The following MYH10 variants were observed in gnomAD, a reference collection of about 807,000 sequenced individuals.
MYH10 encodes myosin heavy chain 10.
In MYH10, 55 loss-of-function variants were observed where a neutral mutation model predicts 257.8. That is an observed-to-expected ratio of 0.21 (90% CI 0.17 to 0.27). MYH10 has a LOEUF of 0.27. Among genes scored for constraint, MYH10 ranks in the 10% least tolerant of loss-of-function variants. The pLI, the probability that MYH10 is intolerant of heterozygous loss-of-function variation, is 1.00. For synonymous variants in MYH10, 854 were observed against 921.7 expected (o/e 0.93, Z 1.33); for missense variants, 1,631 against 2,500.6 (o/e 0.65, Z 7.42).
At chr17:8,547,795 T>TGG (rs2082493355) in intron 11 of MYH10, among the ~76,000 whole-genome samples, 1 of 145,940 alleles carries the variant, frequency 6.9e-6, no homozygotes, top group African/African-American at 2.6e-5. Context: ...TATATTTATA[T>TGG]ATTTATATTA....
At chr17:8,630,145 G>T (rs1218343214) in intron 1 of MYH10, among the ~76,000 whole-genome samples, 2 of 151,340 alleles carry the variant, frequency 1.3e-5, no homozygotes, top group Non-Finnish European at 3.0e-5. Flanking sequence ...CTACCGCCGG[G>T]ACTGCGCTTT....
chr17:8,610,270 G>GAAAAAAAAAAAAAAAAAAAAAAAAAAAA lies in MYH10; in HGVS notation c.346-5289_346-5288insTTTTTTTTTTTTTTTTTTTTTTTTTTTT, dbSNP rs1567977649. On this transcript the variant is annotated intron_variant, in intron 2 of 42. Transcript: ENST00000360416. Reference sequence around the variant, plus strand: ...AGTTTATAGGGAGCACCATAGGATTGCAAAAAAAAAAAAAAAAAAAAAGGG... The same window carrying GAAAAAAAAAAAAAAAAAAAAAAAAAAAA: ...AGTTTATAGGGAGCACCATAGGATTGAAAAAAAAAAAAAAAAAAAAAAAAAAAACAAAAAAAAAAAAAAAAAAAAAGGG... 3.7e-4 allele frequency among the ~76,000 whole-genome samples: 3 copies of GAAAAAAAAAAAAAAAAAAAAAAAAAAAA among 8,024 alleles called. 1 individual carries two copies. The highest frequency in any genetic ancestry group is 2.8e-3 in the African/African-American group (1 of 358). 5.3% of individuals were successfully genotyped at this position (8,024 alleles called of 152,430 possible). A position where few individuals can be genotyped will look rare whatever the true frequency, so the allele number is the denominator to read the frequency against.
intron 16 of MYH10, among the ~76,000 whole-genome samples, chr17:8,534,234 T>G (rs2082080587): frequency 6.6e-6 from 1 of 152,218 alleles, no homozygotes; most frequent in Admixed American, 6.5e-5. Context: ...AGTAGTCAGT[T>G]GAAGACTTTC....
intron 1 of MYH10, 66 bp from the exon 2 acceptor site, chr17:8,623,343 T>C: frequency 7.1e-7 from 1 of 1,417,382 alleles, no homozygotes; most frequent in Non-Finnish European, 9.3e-7. Context: ...CGTTTTTCTT[T>C]TCTAAGAAAC....
chr17:8,533,383 A>T (rs1193065199), intron 16 of MYH10, among the ~76,000 whole-genome samples: 2 of 152,048 alleles, frequency 1.3e-5, no homozygotes, highest in Non-Finnish European at 2.9e-5. Flanking sequence ...TCTAAAGCCA[A>T]ATGGAACACT....
chr17:8,513,455 A>T, intron 23 of MYH10, 83 bp downstream of exon 23: 2 of 1,562,084 alleles, frequency 1.3e-6, no homozygotes, highest in Non-Finnish European at 1.7e-6. Flanking sequence ...GCTATTCATA[A>T]TGAAATGTGT....
intron 8 of MYH10, 118 bp downstream of exon 8, chr17:8,553,837 T>A: frequency 1.3e-6 from 1 of 787,032 alleles, no homozygotes; most frequent in Middle Eastern, 2.4e-4. Context: ...GCATGCTATC[T>A]CTGGGCTCAA....
chr17:8,580,536 T>C (rs1441370406), intron 4 of MYH10, among the ~76,000 whole-genome samples: 1 of 152,186 alleles, frequency 6.6e-6, no homozygotes, highest in Admixed American at 6.5e-5. Context: ...CTGGCAGAGT[T>C]AAGTGCTTGA....
intron 42 of MYH10, 100 bp downstream of exon 42, chr17:8,476,776 G>T: frequency 7.9e-7 from 1 of 1,269,390 alleles, no homozygotes; most frequent in Non-Finnish European, 1.1e-6. Flanking sequence ...TGGGTCACTG[G>T]GTATGGATCT....
At chr17:8,476,022 C>A in intron 42 of MYH10, 74 bp from the exon 43 acceptor site, 1 of 1,506,400 alleles carries the variant, frequency 6.6e-7, no homozygotes, top group South Asian at 1.2e-5. Flanking sequence ...TTCAACCACT[C>A]AATGCCACGG....
rs752324451 is a variant in MYH10 at position 8,521,190 on chromosome 17, C to A, written c.2053G>T (p.Gly685Trp). The A allele has an allele frequency of 6.2e-7, 1 of 1,614,074 alleles. No homozygotes were observed. Among genetic ancestry groups the A allele is most frequent in the Non-Finnish European group, 8.5e-7 (1 of 1,180,036 alleles). ...KTKKGMFRTV[G>W]QLYKESLTKL... ...GTGAGAGATTCTTTGTAGAGTTGCC[C>A]AACGGTACGAAACATGCCCTTCTTG... Residue 685 changes from glycine to tryptophan, a missense_variant, in exon 18 of 43, where the codon GGG (glycine) becomes TGG (tryptophan). Coordinates refer to ENST00000360416, the MANE Select transcript of MYH10 (RefSeq NM_001256012.3).
intron 17 of MYH10, among the ~76,000 whole-genome samples, chr17:8,527,274 T>C (rs182393275): frequency 8.8e-4 from 134 of 152,238 alleles, no homozygotes; most frequent in Non-Finnish European, 1.6e-3. Context: ...AGTTAAGAGG[T>C]TGACAGGAAG....
intron 7 of MYH10, chr17:8,561,349 C>A: frequency 8.6e-7 from 1 of 1,161,670 alleles, no homozygotes; most frequent in Middle Eastern, 2.1e-4. Context: ...AGAAATTCGT[C>A]ATTCGAAACA....
In MYH10 at chr17:8,487,416, T is replaced by C; in HGVS notation, c.5046+17A>G. 2 of 1,613,740 alleles carry C rather than the reference T, an allele frequency of 1.2e-6. No homozygotes were observed. Among genetic ancestry groups the C allele is most frequent in the South Asian group, 1.1e-5 (1 of 91,062 alleles). The stretch of plus-strand genomic sequence containing the variant: ...CACGTGGTGCCATCCAGAGACTCCA[T>C]GGGTGAAGGCACATACCTGGAGCTT... On this transcript the variant is annotated intron_variant, in intron 36 of 42. Transcript: ENST00000360416.
chr17:8,583,120 C>T (rs1007337891), intron 4 of MYH10, among the ~76,000 whole-genome samples: 48 of 152,198 alleles, frequency 3.2e-4, no homozygotes, highest in Middle Eastern at 3.2e-3. Flanking sequence ...CGCACTGGCA[C>T]TACCTCATCA....
intron 16 of MYH10, among the ~76,000 whole-genome samples, chr17:8,533,542 C>T (rs182943622): frequency 5.9e-5 from 9 of 152,362 alleles, no homozygotes; most frequent in Admixed American, 4.6e-4. Flanking sequence ...ATAACCGGGC[C>T]ATAAATGCTC....
At chr17:8,503,102 G>T (rs1204554837) in intron 28 of MYH10, among the ~76,000 whole-genome samples, 5 of 152,070 alleles carry the variant, frequency 3.3e-5, no homozygotes, top group Non-Finnish European at 7.4e-5. Flanking sequence ...GACTAACATG[G>T]AGAAACCCCA....
chr17:8,490,753 A>G lies in MYH10; in HGVS notation c.4672-201T>C, dbSNP rs781263641. The stretch of plus-strand genomic sequence containing the variant: ...CTCCATTTCAGTGTATGCAGTTCAG[A>G]ACTACAGTGCGGATGTCTTTATTCC... On this transcript the variant is annotated intron_variant, in intron 34 of 42. Coordinates refer to ENST00000360416, the MANE Select transcript of MYH10 (RefSeq NM_001256012.3). The surrounding 1 kb of genome is among the most constrained non-coding windows in gnomAD (Gnocchi z 4.1). Among the ~76,000 whole-genome samples the G allele has an allele frequency of 1.1e-4, 17 of 152,194 alleles. No individual in the cohort carries two copies. The highest frequency in any genetic ancestry group is 2.5e-4 in the Non-Finnish European group (17 of 68,038).
chr17:8,598,835 TAGCTAGGACTATAGA>T (rs1215231756), intron 3 of MYH10, among the ~76,000 whole-genome samples: 4 of 151,920 alleles, frequency 2.6e-5, no homozygotes, highest in African/African-American at 9.7e-5. Context: ...GCCTCCTGAG[TAGCTAGGACTATAGA>T]AGCATGCCAC....
Sources: gnomAD v4.1 joint callset for allele counts (sites outside exome capture counted in the v4.1 genomes callset) on GRCh38, gnomAD v4.1.1 for gene constraint, Gnocchi (gnomAD v3.1) non-coding constraint, MANE v1.5 for transcripts, NCBI Gene and HGNC (gene_info 2026-07-23, HGNC 2026-07-21) for gene names.